Variants in ABAT observed in about 807,000 individuals in gnomAD.
ABAT encodes the protein 4-aminobutyrate aminotransferase, also known as 4-aminobutyrate aminotransferase, mitochondrial.
A neutral mutation model predicts 64.6 loss-of-function variants in ABAT; 45 were observed. The ratio of observed to expected loss-of-function variants is 0.70; its 90% CI spans 0.55 to 0.89. The LOEUF is 0.89. Among genes scored for constraint, ABAT ranks in the 40% least tolerant of loss-of-function variants. ABAT has a pLI of 0.00. For missense variants in ABAT, 633 were observed against 658.4 expected, an observed-to-expected ratio of 0.96 and a Z score of 0.42; for synonymous variants, 297 against 250.5, an observed-to-expected ratio of 1.19 and a Z score of -1.75.
intron 1 of ABAT, among the ~76,000 whole-genome samples, chr16:8,676,232 T>C (rs929095269): frequency 9.9e-5 from 15 of 152,082 alleles, no homozygotes; most frequent in Non-Finnish European, 2.9e-5. Flanking sequence ...TCCTAAGACC[T>C]AAAAGGGCTT....
chr16:8,768,569 G>A (rs578109728), intron 10 of ABAT, among the ~76,000 whole-genome samples: 6 of 152,116 alleles, frequency 3.9e-5, no homozygotes, highest in African/African-American at 7.2e-5. Flanking sequence ...TTAAGGGTTC[G>A]AGAGTCCCCC....
intron 1 of ABAT, among the ~76,000 whole-genome samples, chr16:8,732,925 G>A (rs1736049735): frequency 6.6e-6 from 1 of 150,502 alleles, no homozygotes; most frequent in African/African-American, 2.5e-5. Flanking sequence ...GCCGGGCGGG[G>A]GGCTGACCCC....
intron 1 of ABAT, among the ~76,000 whole-genome samples, chr16:8,717,944 G>A (rs1473261819): frequency 6.6e-6 from 1 of 151,866 alleles, no homozygotes; most frequent in African/African-American, 2.4e-5. Flanking sequence ...TCAGGTCCCA[G>A]GTCACCTCTT....
At chr16:8,711,840 G>A in intron 1 of ABAT, among the ~76,000 whole-genome samples, 1 of 118,446 alleles carries the variant, frequency 8.4e-6, no homozygotes, top group Admixed American at 9.0e-5. Context: ...AAATGGATGG[G>A]AAGATGGATG....
rs115062710 is a variant in ABAT at position 8,727,662 on chromosome 16, A to G, written c.-41-8037A>G. Among the ~76,000 whole-genome samples the G allele has an allele frequency of 2.9e-3, 438 of 152,350 alleles. 2 individuals are homozygous for G. The highest frequency in any genetic ancestry group is 9.9e-3 in the African/African-American group (413 of 41,582). On this transcript the variant is annotated intron_variant, in intron 1 of 15. Transcript: ENST00000268251. ...TTAAGAAAGTATTCACATGATGGGT[A>G]AAGCAGCCTAGTACATTAAATTCTT...
intron 9 of ABAT, among the ~76,000 whole-genome samples, chr16:8,767,346 C>G (rs1028372718): frequency 1.1e-4 from 16 of 152,344 alleles, no homozygotes; most frequent in South Asian, 2.1e-4. Context: ...CACCACAGAC[C>G]CCTTCCAAAG....
chr16:8,687,295 C>T (rs935208623), intron 1 of ABAT, among the ~76,000 whole-genome samples: 5 of 152,112 alleles, frequency 3.3e-5, no homozygotes, highest in African/African-American at 9.7e-5. Flanking sequence ...GAGGCTGAGG[C>T]GGGCGAATCA....
At chr16:8,774,069 C>G (rs62031111) in intron 12 of ABAT, among the ~76,000 whole-genome samples, 389 of 152,274 alleles carry the variant, frequency 2.6e-3, no homozygotes, top group Admixed American at 4.7e-3. Context: ...GCTGAGATTA[C>G]AGGTGCACGA....
intron 1 of ABAT, among the ~76,000 whole-genome samples, chr16:8,677,699 A>G (rs1052742560): frequency 6.6e-6 from 1 of 152,200 alleles, no homozygotes; most frequent in African/African-American, 2.4e-5. Context: ...AAATGTCTGC[A>G]GACATTGCCA....
chr16:8,772,985 G>A, intron 12 of ABAT, 68 bp downstream of exon 12: 2 of 1,603,056 alleles, frequency 1.2e-6, no homozygotes, highest in South Asian at 2.2e-5. Flanking sequence ...CGAGTAACGG[G>A]CCAGCAGCAC....
chr16:8,707,181 A>C (rs910758644), intron 1 of ABAT, among the ~76,000 whole-genome samples: 10 of 151,792 alleles, frequency 6.6e-5, no homozygotes, highest in African/African-American at 2.4e-5. Context: ...CTAGCAGAAT[A>C]ATCACTTTTT....
intron 1 of ABAT, among the ~76,000 whole-genome samples, chr16:8,701,401 C>T (rs945926241): frequency 1.3e-5 from 2 of 152,222 alleles, no homozygotes; most frequent in African/African-American, 4.8e-5. Flanking sequence ...GAAGCACTCA[C>T]CCTTACTAAG....
intron 1 of ABAT, among the ~76,000 whole-genome samples, chr16:8,705,105 T>A (rs2142043685): frequency 6.6e-6 from 1 of 152,244 alleles, no homozygotes; most frequent in East Asian, 1.9e-4. Context: ...TAGTCCATTT[T>A]CACACTACTA....
rs2058903572 is a variant in ABAT at position 8,735,693 on chromosome 16, T to C, written c.-41-6T>C. On this transcript the variant is annotated splice_region_variant and splice_polypyrimidine_tract_variant and intron_variant, in intron 1 of 15. Coordinates refer to ENST00000268251, the MANE Select transcript of ABAT (RefSeq NM_020686.6). The stretch of plus-strand genomic sequence containing the variant: ...GGCCTAAGTCTGCATTTCTGGTTTC[T>C]TTCAGGGTGGCAGCACGCAAAGGGT... 1 of 1,559,444 alleles carries C rather than the reference T, an allele frequency of 6.4e-7. No individual in the cohort carries two copies. The highest frequency in any genetic ancestry group is 8.7e-7 in the Non-Finnish European group (1 of 1,151,422).
At position 8,776,658 on chromosome 16, in the gene ABAT, A is replaced by G. The variant is rs1478108154; in HGVS notation, c.1269+168A>G. On this transcript the variant is annotated intron_variant, in intron 14 of 15. Coordinates refer to ENST00000268251, the MANE Select transcript of ABAT (RefSeq NM_020686.6). This position sits in a 1 kb window ranked among gnomAD's most constrained non-coding sequence, Gnocchi z 4.4. ...GCTTTGCACATGCTGTGTCCTCTGC[A>G]GGGGATGCCTCCCTATCCCTCCATC... is the stretch of plus-strand genomic sequence containing the variant. Among the ~76,000 whole-genome samples, 1 of 152,212 alleles carries G rather than the reference A, an allele frequency of 6.6e-6. No homozygotes were observed. The highest frequency in any genetic ancestry group is 1.9e-4 in the East Asian group (1 of 5,204).
Position 8,762,332 on chromosome 16 carries a change from TCTGCA to T in ABAT, c.367-1736_367-1732del, listed in dbSNP as rs60923896. Among the ~76,000 whole-genome samples, 1,123 of 152,338 alleles carry T rather than the reference TCTGCA, an allele frequency of 7.4e-3. 19 individuals are homozygous for T. Among genetic ancestry groups the T allele is most frequent in the African/African-American group, 0.026 (1,069 of 41,580 alleles). On this transcript the variant is annotated intron_variant, in intron 6 of 15. Transcript: ENST00000268251. ...ATCCTATGACCTCTGGGTCTTTCCC[TCTGCA>T]TAACTCTTCCTTTGAGACTGAACTC... is the stretch of plus-strand genomic sequence containing the variant.
At chr16:8,769,386 G>A (rs1273408) in intron 11 of ABAT, among the ~76,000 whole-genome samples, 84,168 of 151,530 alleles carry the variant, frequency 0.56, 23,672 homozygotes, top group African/African-American at 0.63. Flanking sequence ...GGCCAACATG[G>A]TGAAACCCCA....
chr16:8,728,897 G>C (rs902510960), intron 1 of ABAT, among the ~76,000 whole-genome samples: 7 of 152,158 alleles, frequency 4.6e-5, no homozygotes, highest in African/African-American at 1.7e-4. Context: ...TGGTTTCTCA[G>C]TTAATTCATG....
intron 11 of ABAT, among the ~76,000 whole-genome samples, chr16:8,770,431 C>T (rs971209127): frequency 3.4e-5 from 5 of 148,658 alleles, no homozygotes; most frequent in East Asian, 2.0e-4. Flanking sequence ...GCCACCGCGC[C>T]GGCCTTCTTT....
Sources: allele counts gnomAD v4.1 joint callset (sites outside exome capture counted in the v4.1 genomes callset), GRCh38; gene constraint gnomAD v4.1.1; non-coding constraint Gnocchi (gnomAD v3.1); transcripts MANE v1.5; gene names NCBI Gene and HGNC (gene_info 2026-07-23, HGNC 2026-07-21).